Variants in DMD observed in about 807,000 individuals in gnomAD.
DMD encodes dystrophin.
Under a neutral mutation model 330.1 loss-of-function variants are expected in DMD, and 63 were observed. The ratio of observed to expected loss-of-function variants is 0.19; its 90% confidence interval spans 0.16 to 0.24. DMD has a LOEUF of 0.24. Ranked by LOEUF, DMD falls within the 10% of genes least tolerant of loss-of-function variation. The pLI is 1.00. For missense variants in DMD, 3,344 were observed against 2,684.1 expected (o/e 1.25, Z -5.43); for synonymous variants, 1,223 against 959.8 (o/e 1.27, Z -5.07).
At chrX:32,137,758 T>C (rs1055850733) in intron 44 of DMD, among the ~76,000 whole-genome samples, 18 of 110,863 alleles carry the variant, frequency 1.6e-4, no homozygotes, top group African/African-American at 4.9e-4. Flanking sequence ...TGGTGCTGCA[T>C]GAGACCAGGC....
At chrX:32,335,030 G>A (rs894692364) in intron 41 of DMD, among the ~76,000 whole-genome samples, 14 of 110,962 alleles carry the variant, frequency 1.3e-4, no homozygotes, top group Non-Finnish European at 2.3e-4. Flanking sequence ...TTTTCTTACA[G>A]TAAAATGACA....
intron 1 of DMD, among the ~76,000 whole-genome samples, chrX:33,179,428 T>C (rs2049843882): frequency 9.0e-6 from 1 of 111,374 alleles, no homozygotes; most frequent in Non-Finnish European, 1.9e-5. Context: ...GTGCGATGGC[T>C]CACCACTGTA....
chrX:32,515,061 G>GT (rs1425327672), intron 18 of DMD, among the ~76,000 whole-genome samples: 1 of 112,105 alleles, frequency 8.9e-6, no homozygotes, highest in East Asian at 2.8e-4. Flanking sequence ...TCTCTGTTAG[G>GT]TGAGGGAGTC....
intron 19 of DMD, among the ~76,000 whole-genome samples, chrX:32,492,263 G>C (rs1044340337): frequency 8.9e-6 from 1 of 111,992 alleles, no homozygotes; most frequent in Admixed American, 9.4e-5. Flanking sequence ...GCGTGAACCC[G>C]GGAGGCGGAG....
At chrX:32,704,334 C>A (rs1316629128) in intron 7 of DMD, among the ~76,000 whole-genome samples, 1 of 90,468 alleles carries the variant, frequency 1.1e-5, no homozygotes, top group East Asian at 2.9e-4. Context: ...CCAAGAAAGT[C>A]AATGTGAGTA....
intron 52 of DMD, among the ~76,000 whole-genome samples, chrX:31,708,982 G>C (rs2084402874): frequency 8.9e-6 from 1 of 112,130 alleles, no homozygotes; most frequent in African/African-American, 3.2e-5. Flanking sequence ...TCTAAAGAGA[G>C]TAAAATCGGC....
chrX:33,028,965 G>A (rs1249647550), intron 1 of DMD, among the ~76,000 whole-genome samples: 2 of 111,812 alleles, frequency 1.8e-5, no homozygotes, highest in Non-Finnish European at 1.9e-5. Context: ...ACCACACTTA[G>A]ATGGGAGAAT....
At chrX:31,383,784 G>A (rs774781803) in intron 60 of DMD, among the ~76,000 whole-genome samples, 1 of 112,010 alleles carries the variant, frequency 8.9e-6, no homozygotes, top group Non-Finnish European at 1.9e-5. Context: ...TAGCTTCAGA[G>A]AGGAGTCTGA....
chrX:32,441,188 C>A lies in DMD; in HGVS notation c.3913G>T (p.Val1305Leu). 1 of 1,209,104 alleles carries A rather than the reference C, an allele frequency of 8.3e-7. No individual in the cohort carries two copies. Among genetic ancestry groups the A allele is most frequent in the Non-Finnish European group, 1.1e-6 (1 of 893,611 alleles). Residue 1305 changes from valine (V) to leucine (L), a missense_variant, in exon 28 of 79, where the codon GTG becomes TTG. By Grantham distance (32) the Val-to-Leu change is conservative. Transcript: ENST00000357033. ...IPGGAEEISE[V>L]LDSLENLMRH... ...CTTAATTTACAACTTACATCTAGCA[C>A]CTCAGAGATTTCCTCAGCTCCGCCA... is the stretch of plus-strand genomic sequence containing the variant.
intron 44 of DMD, among the ~76,000 whole-genome samples, chrX:32,067,866 C>A (rs2096269676): frequency 1.8e-5 from 2 of 111,887 alleles, no homozygotes; most frequent in African/African-American, 6.5e-5. Flanking sequence ...TTTTGGATAT[C>A]TACTCAGTAA....
intron 62 of DMD, among the ~76,000 whole-genome samples, chrX:31,311,048 ATATCATTCTGCAATAAGAATAAAG>A (rs2055480889): frequency 8.9e-6 from 1 of 112,029 alleles, no homozygotes; most frequent in Non-Finnish European, 1.9e-5. Context: ...GCAATAATGA[ATATCATTCTGCAATAAGAATAAAG>A]TATCATTCTG....
intron 13 of DMD, among the ~76,000 whole-genome samples, chrX:32,578,410 A>G (rs1244998766): frequency 8.9e-6 from 1 of 112,106 alleles, no homozygotes; most frequent in African/African-American, 3.2e-5. Context: ...GTGAAGCTAA[A>G]GGTCAGCTCA....
intron 1 of DMD, among the ~76,000 whole-genome samples, chrX:33,122,246 C>A (rs1274944333): frequency 2.7e-5 from 3 of 109,522 alleles, no homozygotes; most frequent in Non-Finnish European, 5.7e-5. Context: ...AACAAACAAA[C>A]AAAAAACAAA....
intron 41 of DMD, among the ~76,000 whole-genome samples, chrX:32,332,413 AGT>A (rs111973319): frequency 1.7e-3 from 162 of 95,259 alleles, no homozygotes; most frequent in Non-Finnish European, 2.4e-3. Flanking sequence ...ATGGATAAAA[AGT>A]GTGTGTGTGT....
chrX:31,936,801 T>C (rs1329515501), intron 45 of DMD, among the ~76,000 whole-genome samples: 4 of 111,541 alleles, frequency 3.6e-5, no homozygotes, highest in African/African-American at 9.7e-5. Context: ...AAATATTTAA[T>C]CCATCTTAAA....
intron 54 of DMD, among the ~76,000 whole-genome samples, chrX:31,628,792 C>G: frequency 9.1e-6 from 1 of 109,444 alleles, no homozygotes; most frequent in Middle Eastern, 4.8e-3. Flanking sequence ...TTATACATTA[C>G]AGTTACTCAA....
intron 1 of DMD, among the ~76,000 whole-genome samples, chrX:33,061,153 G>T: frequency 8.9e-6 from 1 of 111,959 alleles, no homozygotes; most frequent in Non-Finnish European, 1.9e-5. Flanking sequence ...ACTTTAACTT[G>T]CTATCAAGGC....
chrX:32,987,780 T>C (rs976446281), intron 2 of DMD, among the ~76,000 whole-genome samples: 9 of 110,526 alleles, frequency 8.1e-5, no homozygotes, highest in African/African-American at 2.6e-4. Context: ...AGTCACTTAT[T>C]TCTTTCATTA....
intron 7 of DMD, among the ~76,000 whole-genome samples, chrX:32,771,992 A>G (rs1426061985): frequency 8.9e-6 from 1 of 112,190 alleles, no homozygotes; most frequent in Non-Finnish European, 1.9e-5. Flanking sequence ...ACTATGCCAT[A>G]GCCAATTCAA....
Sources: gnomAD v4.1 joint callset for allele counts (sites outside exome capture counted in the v4.1 genomes callset) on GRCh38, gnomAD v4.1.1 for gene constraint, MANE v1.5 for transcripts, NCBI Gene and HGNC (gene_info 2026-07-23, HGNC 2026-07-21) for gene names.